The following CYBRD1 variants were observed in gnomAD, a reference collection of about 807,000 sequenced individuals.
CYBRD1 encodes cytochrome b reductase 1, also known as plasma membrane ascorbate-dependent reductase CYBRD1.
A neutral mutation model predicts 21.9 loss-of-function variants in CYBRD1; 14 were observed. That is an observed-to-expected ratio of 0.64 (90% CI 0.42 to 1.00). The LOEUF (loss-of-function observed/expected upper bound fraction) is 1.00, where lower values mean the gene tolerates loss of function less well. CYBRD1 is among the 50% of genes least tolerant of loss of function. The pLI is 0.00. For missense variants in CYBRD1, 328 were observed against 352.5 expected (o/e 0.93, Z 0.56); for synonymous variants, 146 against 136.5 (o/e 1.07, Z -0.48).
At chr2:171,548,826 A>G (rs1350142163) in intron 2 of CYBRD1, among the ~76,000 whole-genome samples, 1 of 151,718 alleles carries the variant, frequency 6.6e-6, no homozygotes, top group Non-Finnish European at 1.5e-5. Flanking sequence ...CAGGCCAGAC[A>G]TGGCATGGTG....
chr2:171,526,437 C>T (rs550448095), intron 1 of CYBRD1, among the ~76,000 whole-genome samples: 1 of 151,692 alleles, frequency 6.6e-6, no homozygotes, highest in South Asian at 2.1e-4. Context: ...CTCTCCCCTC[C>T]TTTCCCCCTC....
intron 1 of CYBRD1, among the ~76,000 whole-genome samples, chr2:171,530,086 T>G (rs1043153316): frequency 2.0e-5 from 3 of 151,896 alleles, no homozygotes; most frequent in African/African-American, 7.3e-5. Context: ...CAGGCAGAGA[T>G]TGGAGTGATG....
chr2:171,549,066 T>TTATTC (rs1369579782), intron 2 of CYBRD1, among the ~76,000 whole-genome samples: 12 of 151,710 alleles, frequency 7.9e-5, no homozygotes, highest in Admixed American at 2.6e-4. Flanking sequence ...GATGGAAACT[T>TTATTC]TATTCTATTC....
chr2:171,536,728 C>T (rs1697551251), intron 1 of CYBRD1, among the ~76,000 whole-genome samples: 1 of 152,186 alleles, frequency 6.6e-6, no homozygotes, highest in Non-Finnish European at 1.5e-5. Flanking sequence ...AGCTACTGCG[C>T]CCAGCCTACT....
At chr2:171,526,064 C>T (rs565231189) in intron 1 of CYBRD1, among the ~76,000 whole-genome samples, 7 of 151,694 alleles carry the variant, frequency 4.6e-5, no homozygotes, top group Non-Finnish European at 7.4e-5. Context: ...GTCAGGAGTT[C>T]GAGACCAGCC....
Position 171,522,925 on chromosome 2 carries a change from G to C in CYBRD1, c.193+187G>C, listed in dbSNP as rs1447449695. The stretch of plus-strand genomic sequence containing the variant: ...AGGGAGGCTGGCTGGCTCTGGGGCG[G>C]GACAGAGCTGCGGTTCAGGAGGATC... On this transcript the variant is annotated intron_variant, in intron 1 of 3. Coordinates refer to ENST00000321348, the MANE Select transcript of CYBRD1 (RefSeq NM_024843.4). This position sits in a 1 kb window ranked among gnomAD's most constrained non-coding sequence, Gnocchi z 4.3. Among the ~76,000 whole-genome samples, 4 of 152,024 alleles carry C rather than the reference G, an allele frequency of 2.6e-5. No homozygotes were observed. The highest frequency in any genetic ancestry group is 2.0e-4 in the Admixed American group (3 of 15,268).
chr2:171,554,719 C>G lies in CYBRD1; in HGVS notation c.753C>G (p.Ala251=). ...TEQGARGSMP[A]YSGNNMDKSD... is the part of the protein sequence containing the mutation. Reference sequence around the variant, plus strand: ...AGGGAGCAAGAGGTTCCATGCCAGCCTACTCTGGCAACAACATGGACAAAT... The same window carrying G: ...AGGGAGCAAGAGGTTCCATGCCAGCGTACTCTGGCAACAACATGGACAAAT... The change falls in exon 4 of 4, where the codon GCC becomes GCG. Residue 251 remains alanine, a synonymous_variant. Transcript: ENST00000321348. 6.2e-7 allele frequency: 1 copy of G among 1,614,000 alleles called. No homozygotes were observed.
At chr2:171,532,911 G>GTGTGTA (rs1491316856) in intron 1 of CYBRD1, among the ~76,000 whole-genome samples, 20 of 146,634 alleles carry the variant, frequency 1.4e-4, no homozygotes, top group African/African-American at 4.8e-4. Context: ...GTGTGTGTGT[G>GTGTGTA]TATGGAAACA....
At chr2:171,540,471 A>G (rs183581600) in intron 1 of CYBRD1, among the ~76,000 whole-genome samples, 69 of 152,256 alleles carry the variant, frequency 4.5e-4, no homozygotes, top group African/African-American at 1.6e-3. Flanking sequence ...TTTGATGATC[A>G]TATAAATATT....
At chr2:171,541,463 G>C (rs1338956853) in intron 1 of CYBRD1, 122 bp from the exon 2 acceptor site, 2 of 914,660 alleles carry the variant, frequency 2.2e-6, no homozygotes, top group Non-Finnish European at 3.4e-6. Context: ...GGGAAGAGGG[G>C]AGAAGCAAAA....
intron 1 of CYBRD1, chr2:171,539,935 T>C (rs1438988256): frequency 1.3e-5 from 2 of 152,260 alleles, no homozygotes; most frequent in African/African-American, 2.4e-5. Flanking sequence ...TTCACCATGT[T>C]GGTCAGGCTG....
intron 1 of CYBRD1, among the ~76,000 whole-genome samples, chr2:171,533,409 A>G (rs62181674): frequency 0.087 from 13,308 of 152,258 alleles, 717 homozygotes; most frequent in Middle Eastern, 0.17. Flanking sequence ...TTCCTACTAT[A>G]TGCCAAGCTC....
In CYBRD1 at chr2:171,541,861, CTTTTTTTTTTT is replaced by C. The variant is rs57998592; in HGVS notation, c.402+79_402+89del. 5.4e-6 allele frequency: 4 copies of C among 740,784 alleles called. No homozygotes were observed. In the East Asian group the frequency reaches 1.0e-4, roughly 19 times the overall value. The allele number at this position is 740,784 out of a possible 1,614,324, so 45.9% of individuals were successfully genotyped here. ...TCAGAGACTGTAAATGTTTTCTTTT[CTTTTTTTTTTT>C]TTTTTTTTTTGAGACAGAGTCTCGC... On this transcript the variant is annotated intron_variant, in intron 2 of 3. Coordinates refer to ENST00000321348, the MANE Select transcript of CYBRD1 (RefSeq NM_024843.4).
chr2:171,537,080 T>C (rs1697556462), intron 1 of CYBRD1, among the ~76,000 whole-genome samples: 1 of 152,092 alleles, frequency 6.6e-6, no homozygotes, highest in Non-Finnish European at 1.5e-5. Flanking sequence ...AGAGTTGAGG[T>C]GAGAATTATA....
intron 2 of CYBRD1, chr2:171,550,962 C>T: frequency 4.9e-6 from 1 of 204,474 alleles, no homozygotes; most frequent in Non-Finnish European, 9.7e-6. Flanking sequence ...CCTTTCTTTT[C>T]TTTTTTCTTT....
rs1683428681 is a variant in CYBRD1, at chr2:171,553,691, A to C, written c.557+191A>C. Among the ~76,000 whole-genome samples, 2 of 152,218 alleles carry C rather than the reference A, an allele frequency of 1.3e-5. 1 individual carries two copies. Among genetic ancestry groups the C allele is most frequent in the South Asian group, 4.1e-4 (2 of 4,832 alleles). On this transcript the variant is annotated intron_variant, in intron 3 of 3. Transcript: ENST00000321348. ...GTTTAGAAGGACCAAAAAGTCTGAC[A>C]AATTGTATTACTCTTATGAAACAAC...
In CYBRD1 at chr2:171,549,592, A is replaced by G. The variant is rs543425789; in HGVS notation, c.403-3754A>G. ...AAATAAAAAAACAAAAAATGAAAAA[A>G]CCCACTGATACTGCCATAATCTAGA... On this transcript the variant is annotated intron_variant, in intron 2 of 3. Transcript: ENST00000321348. Among the ~76,000 whole-genome samples, 19 of 152,102 alleles carry G rather than the reference A, an allele frequency of 1.2e-4. No homozygotes were observed. The South Asian group carries it at 3.9e-3, about 32-fold the overall frequency.
At position 171,541,770 on chromosome 2, in the gene CYBRD1, G is replaced by A; in HGVS notation, c.379G>A (p.Ala127Thr). 1 of 1,613,132 alleles carries A rather than the reference G, an allele frequency of 6.2e-7. No homozygotes were observed. Among genetic ancestry groups the A allele is most frequent in the Non-Finnish European group, 8.5e-7 (1 of 1,179,884 alleles). ...YSLHSWVGLI[A>T]VICYLLQLLS... The stretch of plus-strand genomic sequence containing the variant: ...TCTGCACAGCTGGGTTGGACTGATA[G>A]CTGTCATATGCTATTTGTTACAGGT... Residue 127 changes from alanine (A) to threonine (T), a missense_variant, in exon 2 of 4, where the codon GCT (alanine) becomes ACT (threonine). Ala to Thr is a moderately conservative substitution (Grantham distance 58, BLOSUM62 0). Transcript: ENST00000321348.
At chr2:171,536,014 G>A (rs1697540203) in intron 1 of CYBRD1, among the ~76,000 whole-genome samples, 1 of 151,922 alleles carries the variant, frequency 6.6e-6, no homozygotes, top group Non-Finnish European at 1.5e-5. Context: ...CGGAAGGGAT[G>A]TGTGTTTATC....
Sources: allele counts gnomAD v4.1 joint callset (sites outside exome capture counted in the v4.1 genomes callset), GRCh38; gene constraint gnomAD v4.1.1; non-coding constraint Gnocchi (gnomAD v3.1); transcripts MANE v1.5; gene names NCBI Gene and HGNC (gene_info 2026-07-23, HGNC 2026-07-21).